Variants in MYO3A observed in about 807,000 individuals in gnomAD.
MYO3A encodes myosin-IIIa.
MYO3A carries 180 observed loss-of-function variants against 192.7 expected under a neutral mutation model. The observed-to-expected ratio is 0.93, with a 90% CI of 0.83 to 1.06. The LOEUF (loss-of-function observed/expected upper bound fraction) is 1.06. Ranked by LOEUF, MYO3A falls within the 50% of genes least tolerant of loss-of-function variation. The probability of loss-of-function intolerance (pLI) is 0.00; values close to 1 mark genes in which losing one functional copy is unlikely to be tolerated. For missense variants in MYO3A, 1,896 were observed against 1,905.0 expected (o/e 1.00, Z 0.09); for synonymous variants, 628 against 645.3 (o/e 0.97, Z 0.41).
chr10:26,176,863 T>C lies in MYO3A; in HGVS notation c.4438+18T>C, dbSNP rs17739680. ...CCTCTCAGGTAAAAATCAGTAGAGT[T>C]AGAACTTCCTGAATGGGAAGGAAAT... On this transcript the variant is annotated intron_variant, in intron 31 of 34. Coordinates refer to ENST00000642920, the MANE Select transcript of MYO3A (RefSeq NM_017433.5). 168,573 of 1,611,870 alleles carry C rather than the reference T, an allele frequency of 0.1. 9,745 individuals are homozygous for C. Among genetic ancestry groups the C allele is most frequent in the Non-Finnish European group, 0.12 (139,388 of 1,178,018 alleles).
chr10:26,177,638 G>A (rs770815085), intron 31 of MYO3A, among the ~76,000 whole-genome samples: 5 of 152,152 alleles, frequency 3.3e-5, no homozygotes, highest in African/African-American at 7.2e-5. Flanking sequence ...GGAGTCCCAC[G>A]ACTTTGAACC....
At chr10:26,112,666 T>A (rs76650834) in intron 17 of MYO3A, among the ~76,000 whole-genome samples, 1 of 152,210 alleles carries the variant, frequency 6.6e-6, no homozygotes, top group East Asian at 1.9e-4. Flanking sequence ...CCCAAGTGTA[T>A]GTGTCCCTTT....
At position 26,187,677 on chromosome 10, in the gene MYO3A, T is replaced by A. The variant is rs189792087; in HGVS notation, c.4439-5528T>A. Among the ~76,000 whole-genome samples, 30 of 128,504 alleles carry A rather than the reference T, an allele frequency of 2.3e-4. 1 individual carries two copies. Among genetic ancestry groups the A allele is most frequent in the African/African-American group, 8.6e-4 (29 of 33,640 alleles). 84.3% of individuals were successfully genotyped at this position (128,504 alleles called of 152,430 possible). The stretch of plus-strand genomic sequence containing the variant: ...CCACAACAGGCACCGATGTGTGATG[T>A]TCCCCTTCCTGTGTCCATGTGTTCT... On this transcript the variant is annotated intron_variant, in intron 31 of 34. Transcript: ENST00000642920.
intron 7 of MYO3A, 95 bp from the exon 8 acceptor site, chr10:26,021,408 A>C: frequency 2.1e-6 from 3 of 1,439,854 alleles, no homozygotes; most frequent in Non-Finnish European, 2.9e-6. Context: ...ATCAAACTTC[A>C]CCAGTTTAAA....
chr10:25,992,973 T>C (rs532625792), intron 4 of MYO3A, among the ~76,000 whole-genome samples: 74 of 152,338 alleles, frequency 4.9e-4, no homozygotes, highest in African/African-American at 1.7e-3. Flanking sequence ...AATTCTCTTT[T>C]TTTGTTGCAT....
intron 17 of MYO3A, among the ~76,000 whole-genome samples, chr10:26,104,673 C>A (rs185496706): frequency 6.6e-6 from 1 of 151,862 alleles, no homozygotes; most frequent in Admixed American, 6.6e-5. Context: ...GTCCCTTAAA[C>A]TTTAATATAA....
rs1257307579 is a variant in MYO3A, at chr10:25,969,361, G to A, written c.303+14353G>A. 2.6e-5 allele frequency among the ~76,000 whole-genome samples: 4 copies of A among 152,142 alleles called. No homozygotes were observed. In the East Asian group the frequency reaches 7.7e-4, roughly 29 times the overall value. On this transcript the variant is annotated intron_variant, in intron 4 of 34. Coordinates refer to ENST00000642920, the MANE Select transcript of MYO3A (RefSeq NM_017433.5). ...AGTTAAACTTGATCATAGGATATAT[G>A]TATAGCAAAAAGCATAGTATATATA...
chr10:26,133,590 T>C (rs1839672920), intron 20 of MYO3A, among the ~76,000 whole-genome samples: 2 of 152,234 alleles, frequency 1.3e-5, no homozygotes, highest in South Asian at 4.1e-4. Context: ...TTCTTAAATT[T>C]AAAAGGTTTT....
chr10:26,042,050 T>C (rs2131226470), intron 10 of MYO3A, among the ~76,000 whole-genome samples: 1 of 152,270 alleles, frequency 6.6e-6, no homozygotes, highest in Admixed American at 6.5e-5. Context: ...GGAAAGTCTT[T>C]ATTTCTCCTT....
chr10:25,990,667 C>T (rs868145635), intron 4 of MYO3A, among the ~76,000 whole-genome samples: 1 of 117,914 alleles, frequency 8.5e-6, no homozygotes, highest in Non-Finnish European at 1.7e-5. Context: ...CCCCCTCCCC[C>T]CACCCCACAA....
chr10:25,971,215 G>T (rs1013439372), intron 4 of MYO3A, among the ~76,000 whole-genome samples: 1 of 152,070 alleles, frequency 6.6e-6, no homozygotes, highest in Non-Finnish European at 1.5e-5. Context: ...CTGTGAATTT[G>T]AGTTCCTGCC....
Position 26,070,181 on chromosome 10 carries a change from G to C in MYO3A, c.1241G>C (p.Gly414Ala), listed in dbSNP as rs1448500873. 15 of 1,611,718 alleles carry C rather than the reference G, an allele frequency of 9.3e-6. No homozygotes were observed. Among genetic ancestry groups the C allele is most frequent in the Non-Finnish European group, 1.3e-5 (15 of 1,178,022 alleles). Residue 414 changes from glycine to alanine, a missense_variant, in exon 13 of 35, where the codon GGA (glycine) becomes GCA (alanine). Physicochemically the swap from Gly to Ala is moderately conservative, Grantham distance 60 (BLOSUM62 0). Coordinates refer to ENST00000642920, the MANE Select transcript of MYO3A (RefSeq NM_017433.5). The stretch of plus-strand genomic sequence containing the variant: ...CACATTTTTGCAATGGCTGACTTAG[G>C]ATATCAATCTATGATAACATATAAT... ...PPHIFAMADL[G>A]YQSMITYNSD...
chr10:26,125,375 C>T, intron 18 of MYO3A, 23 bp from the exon 19 acceptor site: 3 of 1,611,338 alleles, frequency 1.9e-6, no homozygotes, highest in Non-Finnish European at 1.7e-6. Context: ...TTTCTTCTAA[C>T]AATGCATCTG....
chr10:26,183,778 C>A (rs749542082), intron 31 of MYO3A, among the ~76,000 whole-genome samples: 1 of 152,124 alleles, frequency 6.6e-6, no homozygotes, highest in Non-Finnish European at 1.5e-5. Context: ...TCAGAGAAGA[C>A]TGCGAGTCAG....
At position 26,159,261 on chromosome 10, in the gene MYO3A, A is replaced by C. The variant is rs192560383; in HGVS notation, c.2999+1746A>C. Among the ~76,000 whole-genome samples the C allele has an allele frequency of 1.3e-3, 193 of 151,576 alleles. 4 individuals carry two copies. In the East Asian group the frequency reaches 0.016, roughly 12 times the overall value. Reference sequence around the variant, plus strand: ...CACCTTGGCCTCCCAAAGTGCTGGAATTCCAGGCATGAGCCACTGTGCCTG... The same window carrying C: ...CACCTTGGCCTCCCAAAGTGCTGGACTTCCAGGCATGAGCCACTGTGCCTG... On this transcript the variant is annotated intron_variant, in intron 26 of 34. Coordinates refer to ENST00000642920, the MANE Select transcript of MYO3A (RefSeq NM_017433.5).
intron 20 of MYO3A, among the ~76,000 whole-genome samples, chr10:26,131,440 T>C (rs1348313055): frequency 6.6e-6 from 1 of 152,182 alleles, no homozygotes; most frequent in Non-Finnish European, 1.5e-5. Flanking sequence ...TCCACCTGTT[T>C]GCATTACCTT....
chr10:25,943,044 C>T (rs1322388830), intron 2 of MYO3A, among the ~76,000 whole-genome samples: 2 of 151,606 alleles, frequency 1.3e-5, no homozygotes. Flanking sequence ...AAGCTTTTCC[C>T]TTATGTTTTC....
chr10:26,067,185 A>G (rs1834905957), intron 11 of MYO3A, 111 bp downstream of exon 11: 2 of 745,050 alleles, frequency 2.7e-6, no homozygotes, highest in African/African-American at 1.7e-5. Flanking sequence ...ATGGTTATTA[A>G]GAATCTTAAC....
chr10:26,110,728 G>A (rs957911528), intron 17 of MYO3A, among the ~76,000 whole-genome samples: 15 of 152,098 alleles, frequency 9.9e-5, no homozygotes, highest in African/African-American at 1.9e-4. Flanking sequence ...TGAGGTCTGC[G>A]TGGTAGGCAT....
Sources: gnomAD v4.1 joint callset for allele counts (sites outside exome capture counted in the v4.1 genomes callset) on GRCh38, gnomAD v4.1.1 for gene constraint, MANE v1.5 for transcripts, NCBI Gene and HGNC (gene_info 2026-07-23, HGNC 2026-07-21) for gene names.